The following UST variants were observed in gnomAD, a reference collection of about 807,000 sequenced individuals.
UST encodes the protein chondroitin sulfate 2-O-sulfotransferase.
Under a neutral mutation model 45.6 loss-of-function variants are expected in UST, and 21 were observed. The ratio of observed to expected loss-of-function variants is 0.46; its 90% CI spans 0.33 to 0.66. The LOEUF (loss-of-function observed/expected upper bound fraction) is 0.66, where lower values mean the gene tolerates loss of function less well. Among genes scored for constraint, UST ranks in the 30% least tolerant of loss-of-function variants. The pLI is 0.02. For synonymous variants in UST, 215 were observed against 200.6 expected (o/e 1.07, Z -0.61); for missense variants, 463 against 512.4 (o/e 0.90, Z 0.93).
chr6:148,820,460 A>G (rs1777435285), intron 1 of UST, among the ~76,000 whole-genome samples: 1 of 152,140 alleles, frequency 6.6e-6, no homozygotes. Flanking sequence ...AAAGATTCAG[A>G]ATTCTCTTTT....
chr6:148,878,713 T>TATGAGTTCAGGAGTCGG (rs1167397666), intron 1 of UST, among the ~76,000 whole-genome samples: 1 of 145,694 alleles, frequency 6.9e-6, no homozygotes, highest in Non-Finnish European at 1.5e-5. Context: ...GCGGAGGTCG[T>TATGAGTTCAGGAGTCGG]GTATGAGTGC....
chr6:148,854,263 T>TTGGGG (rs1562277844), intron 1 of UST, among the ~76,000 whole-genome samples: 1 of 152,170 alleles, frequency 6.6e-6, no homozygotes, highest in Non-Finnish European at 1.5e-5. Context: ...GATCTTGGAA[T>TTGGGG]TGGGGCGTGG....
At chr6:148,840,664 A>G (rs559835731) in intron 1 of UST, among the ~76,000 whole-genome samples, 3 of 152,326 alleles carry the variant, frequency 2.0e-5, no homozygotes, top group South Asian at 4.1e-4. Flanking sequence ...TGTATTTTCA[A>G]TCCGTGTCTG....
intron 1 of UST, among the ~76,000 whole-genome samples, chr6:148,849,123 G>A (rs561259713): frequency 6.6e-6 from 1 of 152,136 alleles, no homozygotes; most frequent in East Asian, 1.9e-4. Context: ...TCTTGTTGAG[G>A]GTGGATCTTC....
intron 1 of UST, among the ~76,000 whole-genome samples, chr6:148,789,574 G>A (rs1766693843): frequency 6.6e-6 from 1 of 151,914 alleles, no homozygotes; most frequent in South Asian, 2.1e-4. Flanking sequence ...TTTTGAGACA[G>A]AGTCTCACTC....
chr6:148,899,753 C>T (rs2101154), intron 2 of UST, among the ~76,000 whole-genome samples: 10,291 of 152,306 alleles, frequency 0.068, 916 homozygotes, highest in East Asian at 0.34. Flanking sequence ...ACGTCACTTT[C>T]TGCTCTTTTA....
chr6:148,886,533 T>C (rs1443427650), intron 1 of UST, among the ~76,000 whole-genome samples: 1 of 152,092 alleles, frequency 6.6e-6, no homozygotes, highest in African/African-American at 2.4e-5. Flanking sequence ...TAAGACAAAT[T>C]GGAGAAAGAG....
In UST at chr6:148,933,244, G is replaced by C. The variant is rs539004286; in HGVS notation, c.292-8035G>C. Reference sequence around the variant, plus strand: ...TTATAATAATAAATATGACAGCATTGGTTCTACAGCACTTACTATAATCGT... The same window carrying C: ...TTATAATAATAAATATGACAGCATTCGTTCTACAGCACTTACTATAATCGT... On this transcript the variant is annotated intron_variant, in intron 2 of 7. Coordinates refer to ENST00000367463, the MANE Select transcript of UST (RefSeq NM_005715.3). 5.3e-5 allele frequency among the ~76,000 whole-genome samples: 8 copies of C among 152,150 alleles called. No homozygotes were observed. In the South Asian group the frequency reaches 1.5e-3, roughly 28 times the overall value.
intron 7 of UST, among the ~76,000 whole-genome samples, chr6:149,073,077 A>G (rs955913518): frequency 1.3e-5 from 2 of 152,230 alleles, no homozygotes; most frequent in Non-Finnish European, 2.9e-5. Context: ...GTTATTAAGC[A>G]TTAGTATAAA....
chr6:148,977,919 T>C (rs943736505), intron 5 of UST, among the ~76,000 whole-genome samples: 6 of 152,138 alleles, frequency 3.9e-5, no homozygotes, highest in Non-Finnish European at 7.3e-5. Flanking sequence ...TGAGAATGTA[T>C]TTTGCCTTTC....
At chr6:149,065,668 G>A (rs774750656) in intron 7 of UST, among the ~76,000 whole-genome samples, 25 of 152,222 alleles carry the variant, frequency 1.6e-4, no homozygotes, top group Middle Eastern at 3.4e-3. Context: ...CAAAAGAGGG[G>A]TCATGATATT....
intron 5 of UST, among the ~76,000 whole-genome samples, chr6:149,003,464 G>A (rs1781590868): frequency 6.6e-6 from 1 of 151,624 alleles, no homozygotes; most frequent in Non-Finnish European, 1.5e-5. Context: ...AAACATTAAG[G>A]CACCTAGTAG....
intron 7 of UST, among the ~76,000 whole-genome samples, chr6:149,043,062 CTTCTTTCT>C (rs781008898): frequency 8.0e-5 from 9 of 112,056 alleles, no homozygotes; most frequent in African/African-American, 1.1e-4. Context: ...TCCTTCTTTC[CTTCTTTCT>C]TTCTTTCTTT....
chr6:148,937,713 C>T lies in UST; in HGVS notation c.292-3566C>T, dbSNP rs75836952. 4.0e-3 allele frequency among the ~76,000 whole-genome samples: 608 copies of T among 152,298 alleles called. 2 individuals are homozygous for T. Among genetic ancestry groups the T allele is most frequent in the African/African-American group, 0.014 (580 of 41,562 alleles). The stretch of plus-strand genomic sequence containing the variant: ...TTACCTATGTGGTAACTCCCATCTT[C>T]TAGGTCATTAATTCAGATGTAACAC... On this transcript the variant is annotated intron_variant, in intron 2 of 7. Coordinates refer to ENST00000367463, the MANE Select transcript of UST (RefSeq NM_005715.3).
At chr6:148,764,667 C>G (rs972086220) in intron 1 of UST, among the ~76,000 whole-genome samples, 1 of 152,108 alleles carries the variant, frequency 6.6e-6, no homozygotes, top group Non-Finnish European at 1.5e-5. Context: ...AGCTGTAAAA[C>G]CAGCAAGTTT....
chr6:148,943,571 C>T (rs1247532338), intron 3 of UST, among the ~76,000 whole-genome samples: 2 of 152,192 alleles, frequency 1.3e-5, no homozygotes. Context: ...ACAAAGTCTT[C>T]CTTCTCTTCT....
intron 2 of UST, among the ~76,000 whole-genome samples, chr6:148,910,961 C>G (rs1006140824): frequency 6.6e-6 from 1 of 152,128 alleles, no homozygotes; most frequent in African/African-American, 2.4e-5. Flanking sequence ...GGAACAGACC[C>G]TTGTCCAGGC....
intron 5 of UST, among the ~76,000 whole-genome samples, chr6:149,009,703 T>C (rs563743461): frequency 6.6e-6 from 1 of 151,840 alleles, no homozygotes; most frequent in South Asian, 2.1e-4. Context: ...AACGAGGGAG[T>C]AAAACAAGCA....
Position 148,910,189 on chromosome 6 carries a change from G to A in UST, c.291+23160G>A, listed in dbSNP as rs190248838. On this transcript the variant is annotated intron_variant, in intron 2 of 7. Transcript: ENST00000367463. ...GAGTTTCACTCTCGTTGCCCAGGCT[G>A]GAGTGCAATGGCACGATCTTGGCTC... Among the ~76,000 whole-genome samples the A allele has an allele frequency of 9.0e-4, 125 of 138,692 alleles. 2 individuals carry two copies. In the South Asian group the frequency reaches 0.026, roughly 29 times the overall value. 91.0% of individuals were successfully genotyped at this position (138,692 alleles called of 152,430 possible). A position where few individuals can be genotyped will look rare whatever the true frequency, so the allele number is the denominator to read the frequency against.
Sources: allele counts gnomAD v4.1 joint callset (sites outside exome capture counted in the v4.1 genomes callset), GRCh38; gene constraint gnomAD v4.1.1; transcripts MANE v1.5; gene names NCBI Gene and HGNC (gene_info 2026-07-23, HGNC 2026-07-21).